The following PTPRN2 variants were observed in gnomAD, a reference collection of about 807,000 sequenced individuals.
PTPRN2 encodes the protein protein tyrosine phosphatase receptor type N2, also known as receptor-type tyrosine-protein phosphatase N2.
Under a neutral mutation model 118.8 loss-of-function variants are expected in PTPRN2, and 74 were observed. The observed-to-expected ratio is 0.62, with a 90% CI of 0.52 to 0.76. The LOEUF is 0.76. Among genes scored for constraint, PTPRN2 ranks in the 30% least tolerant of loss-of-function variants. The pLI, the probability that PTPRN2 is intolerant of heterozygous loss-of-function variation, is 0.00. For missense variants in PTPRN2, 1,481 were observed against 1,394.4 expected, an observed-to-expected ratio of 1.06 and a Z score of -0.99; for synonymous variants, 641 against 608.0, an observed-to-expected ratio of 1.05 and a Z score of -0.80.
At chr7:157,879,521 C>T (rs1416654637) in intron 12 of PTPRN2, among the ~76,000 whole-genome samples, 1 of 152,142 alleles carries the variant, frequency 6.6e-6, no homozygotes, top group African/African-American at 2.4e-5. Flanking sequence ...TGGTAATTGT[C>T]AACAAAAGCA....
intron 12 of PTPRN2, among the ~76,000 whole-genome samples, chr7:157,875,011 A>G (rs970353844): frequency 2.1e-5 from 2 of 95,462 alleles, no homozygotes; most frequent in Non-Finnish European, 4.8e-5. Context: ...GTGCATGCAC[A>G]CAGACACACA....
intron 2 of PTPRN2, among the ~76,000 whole-genome samples, chr7:158,351,146 A>C (rs1324366387): frequency 1.3e-5 from 2 of 152,114 alleles, no homozygotes; most frequent in African/African-American, 4.8e-5. Flanking sequence ...GACCTCACCG[A>C]CGGCATCTCT....
chr7:157,753,818 C>T (rs1296266928), intron 12 of PTPRN2, among the ~76,000 whole-genome samples: 1 of 152,142 alleles, frequency 6.6e-6, no homozygotes, highest in African/African-American at 2.4e-5. Context: ...CCGTGCCCTG[C>T]CCACCTCCCC....
At chr7:157,612,234 G>A (rs1802396660) in intron 15 of PTPRN2, among the ~76,000 whole-genome samples, 1 of 152,240 alleles carries the variant, frequency 6.6e-6, no homozygotes, top group Admixed American at 6.5e-5. Context: ...GCGAGGCGTG[G>A]CTGTGTGCGC....
At chr7:158,385,959 A>C (rs1175673099) in intron 2 of PTPRN2, among the ~76,000 whole-genome samples, 18 of 91,182 alleles carry the variant, frequency 2.0e-4, no homozygotes, top group East Asian at 6.8e-4. Flanking sequence ...CTGAGTCCCT[A>C]TTTCTGTGCC....
intron 3 of PTPRN2, among the ~76,000 whole-genome samples, chr7:158,285,957 T>C (rs1412163060): frequency 6.6e-6 from 1 of 151,908 alleles, no homozygotes; most frequent in African/African-American, 2.4e-5. Flanking sequence ...TGCAGCAAGC[T>C]AAACACAACC....
In PTPRN2 at chr7:157,627,194, G is replaced by A. The variant is rs183691559; in HGVS notation, c.2197-5685C>T. Among the ~76,000 whole-genome samples the A allele has an allele frequency of 2.4e-3, 329 of 138,600 alleles. 1 individual carries two copies. Among genetic ancestry groups the A allele is most frequent in the African/African-American group, 9.1e-3 (308 of 33,772 alleles). The allele number at this position is 138,600 out of a possible 152,430, so 90.9% of individuals were successfully genotyped here. A position where few individuals can be genotyped will look rare whatever the true frequency, so the allele number is the denominator to read the frequency against. Reference sequence around the variant, plus strand: ...CCGCACCTGCAGCTGGGTCTCCTCCGGGGCGTGAGCTCCTGGTGGTCAGGG... The same window carrying A: ...CCGCACCTGCAGCTGGGTCTCCTCCAGGGCGTGAGCTCCTGGTGGTCAGGG... On this transcript the variant is annotated intron_variant, in intron 14 of 22. Coordinates refer to ENST00000389418, the MANE Select transcript of PTPRN2 (RefSeq NM_002847.5). This position sits in a 1 kb window ranked among gnomAD's most constrained non-coding sequence, Gnocchi z 4.2.
chr7:157,646,779 C>T (rs370154227), intron 14 of PTPRN2, among the ~76,000 whole-genome samples: 12 of 152,344 alleles, frequency 7.9e-5, no homozygotes, highest in Middle Eastern at 3.4e-3. Context: ...GGTGTGAGGA[C>T]GGATACTTGG....
chr7:158,136,646 T>TC lies in PTPRN2; in HGVS notation c.1173+8dup. 6.2e-7 allele frequency: 1 copy of TC among 1,612,094 alleles called. No individual in the cohort carries two copies. Among genetic ancestry groups the TC allele is most frequent in the East Asian group, 2.2e-5 (1 of 44,874 alleles). ...TAACATGAAACAAACACCAGAGACG[T>TC]CATCTTACCTCTTGGTAAAGTCTAT... On this transcript the variant is annotated intron_variant, in intron 8 of 22. Transcript: ENST00000389418.
intron 10 of PTPRN2, among the ~76,000 whole-genome samples, chr7:158,095,693 G>C (rs1002580229): frequency 6.6e-6 from 1 of 152,178 alleles, no homozygotes; most frequent in Non-Finnish European, 1.5e-5. Context: ...ACGCATGATT[G>C]AGCAATACAG....
rs1290164998 is a variant in PTPRN2 at position 157,611,801 on chromosome 7, G to A, written c.2345-7726C>T. ...GTCATGCTGGGGACACGCGGAGGGAGAGCGCCCGTGTGAAGACGAAGACAG... is the reference window on the plus strand; with the variant it reads ...GTCATGCTGGGGACACGCGGAGGGAAAGCGCCCGTGTGAAGACGAAGACAG... On this transcript the variant is annotated intron_variant, in intron 15 of 22. Coordinates refer to ENST00000389418, the MANE Select transcript of PTPRN2 (RefSeq NM_002847.5). This position sits in a 1 kb window ranked among gnomAD's most constrained non-coding sequence, Gnocchi z 5.9. 6.7e-6 allele frequency among the ~76,000 whole-genome samples: 1 copy of A among 149,078 alleles called. No homozygotes were observed. The highest frequency in any genetic ancestry group is 6.6e-5 in the Admixed American group (1 of 15,086).
chr7:157,966,882 C>T (rs938659575), intron 11 of PTPRN2, among the ~76,000 whole-genome samples: 1 of 151,942 alleles, frequency 6.6e-6, no homozygotes, highest in Non-Finnish European at 1.5e-5. Flanking sequence ...ACTGTCATCA[C>T]CATCATCATC....
intron 6 of PTPRN2, among the ~76,000 whole-genome samples, chr7:158,145,943 A>G (rs1457659012): frequency 1.3e-5 from 2 of 152,166 alleles, no homozygotes; most frequent in African/African-American, 4.8e-5. Context: ...CTCAGTTTCC[A>G]TATCTGTAAA....
intron 3 of PTPRN2, among the ~76,000 whole-genome samples, chr7:158,306,532 T>TCAC (rs1801299195): frequency 6.6e-6 from 1 of 151,540 alleles, no homozygotes; most frequent in Non-Finnish European, 1.5e-5. Flanking sequence ...TGTCTGGTCA[T>TCAC]CTGACCACTA....
chr7:157,698,199 G>C lies in PTPRN2; in HGVS notation c.1789-15262C>G, dbSNP rs560040705. Among the ~76,000 whole-genome samples the C allele has an allele frequency of 1.1e-4, 16 of 152,346 alleles. No individual in the cohort carries two copies. In the South Asian group the frequency reaches 3.3e-3, roughly 32 times the overall value. ...AAATCAATGCCCTTATTTTAAAATT[G>C]AGAAATGCTAAAATTATTTTTTCAA... On this transcript the variant is annotated intron_variant, in intron 12 of 22. Transcript: ENST00000389418.
At chr7:158,090,224 G>A (rs1250489556) in intron 10 of PTPRN2, among the ~76,000 whole-genome samples, 1 of 98,528 alleles carries the variant, frequency 1.0e-5, no homozygotes, top group Admixed American at 9.4e-5. Flanking sequence ...CACACCTGCT[G>A]CCTAGAGCCC....
intron 9 of PTPRN2, among the ~76,000 whole-genome samples, chr7:158,133,340 CTGAAGG>C (rs987006355): frequency 1.4e-4 from 21 of 152,322 alleles, no homozygotes; most frequent in Middle Eastern, 3.4e-3. Context: ...CTGGCCGCCG[CTGAAGG>C]TGATTCTGAC....
intron 2 of PTPRN2, among the ~76,000 whole-genome samples, chr7:158,404,849 C>T (rs1332274036): frequency 4.6e-5 from 6 of 130,722 alleles, no homozygotes; most frequent in Non-Finnish European, 8.2e-5. Flanking sequence ...GCTCCCCGGC[C>T]TCCAGCTCCC....
At chr7:157,654,105 G>T (rs1295482013) in intron 14 of PTPRN2, among the ~76,000 whole-genome samples, 1 of 46,680 alleles carries the variant, frequency 2.1e-5, no homozygotes, top group Non-Finnish European at 3.9e-5. Context: ...CATGCCCGCC[G>T]CTCCCCACAC....
Sources: allele counts gnomAD v4.1 joint callset (sites outside exome capture counted in the v4.1 genomes callset), GRCh38; gene constraint gnomAD v4.1.1; non-coding constraint Gnocchi (gnomAD v3.1); transcripts MANE v1.5; gene names NCBI Gene and HGNC (gene_info 2026-07-23, HGNC 2026-07-21).